The following TEC variants were observed in gnomAD, a reference collection of about 807,000 sequenced individuals.
TEC encodes tec protein tyrosine kinase.
In TEC, 72 loss-of-function variants were observed where a neutral mutation model predicts 93.0. The ratio of observed to expected loss-of-function variants is 0.77; its 90% CI spans 0.64 to 0.94. The LOEUF (loss-of-function observed/expected upper bound fraction) is 0.94, where lower values mean the gene tolerates loss of function less well. TEC is among the 40% of genes least tolerant of loss of function. TEC has a pLI of 0.00. For synonymous variants in TEC, 249 were observed against 247.7 expected, an observed-to-expected ratio of 1.01 and a Z score of -0.05; for missense variants, 630 against 757.9, an observed-to-expected ratio of 0.83 and a Z score of 1.98.
intron 2 of TEC, among the ~76,000 whole-genome samples, chr4:48,220,738 T>C (rs1003475545): frequency 6.6e-6 from 1 of 152,244 alleles, no homozygotes; most frequent in African/African-American, 2.4e-5. Flanking sequence ...ATACCTCTCC[T>C]ATACTCTCTC....
At chr4:48,260,724 A>T (rs1486991790) in intron 1 of TEC, among the ~76,000 whole-genome samples, 1 of 152,244 alleles carries the variant, frequency 6.6e-6, no homozygotes, top group Non-Finnish European at 1.5e-5. Flanking sequence ...ACTAATTACA[A>T]CGTCATAAAG....
In TEC at chr4:48,141,401, C is replaced by G; in HGVS notation, c.1489G>C (p.Val497Leu). The change falls in exon 15 of 18, where the codon GTA becomes CTA. Residue 497 changes from valine (V) to leucine (L), a missense_variant. Val to Leu is a conservative substitution (Grantham distance 32). Coordinates refer to ENST00000381501, the MANE Select transcript of TEC (RefSeq NM_003215.3). ...HRDLAARNCL[V>L]SEAGVVKVSD... ...ACTTTTACAACTCCCGCCTCACTTA[C>G]TAGACAATTTCTGGCAGCCTGGAAA... 6.2e-7 allele frequency: 1 copy of G among 1,613,806 alleles called. No homozygotes were observed. Among genetic ancestry groups the G allele is most frequent in the Non-Finnish European group, 8.5e-7 (1 of 1,179,890 alleles).
intron 1 of TEC, among the ~76,000 whole-genome samples, chr4:48,235,381 T>G (rs990968265): frequency 6.6e-6 from 1 of 152,102 alleles, no homozygotes; most frequent in Non-Finnish European, 1.5e-5. Context: ...ATGAAAAAGT[T>G]TGAAAAAATG....
At chr4:48,227,009 C>T (rs542823516) in intron 2 of TEC, among the ~76,000 whole-genome samples, 8 of 152,260 alleles carry the variant, frequency 5.3e-5, no homozygotes, top group South Asian at 2.1e-4. Context: ...AGGGCAGCTC[C>T]ACATAATTAA....
At chr4:48,170,505 C>T in intron 4 of TEC, 129 bp from the exon 5 acceptor site, 1 of 594,236 alleles carries the variant, frequency 1.7e-6, no homozygotes, top group East Asian at 3.0e-5. Context: ...CCTTAGATCA[C>T]AGGACTCAGC....
intron 2 of TEC, among the ~76,000 whole-genome samples, chr4:48,219,277 G>A (rs1444992263): frequency 6.6e-6 from 1 of 152,198 alleles, no homozygotes; most frequent in Non-Finnish European, 1.5e-5. Context: ...TGGTCAAGCG[G>A]TAACGCCAGT....
At chr4:48,266,943 G>A (rs1203970356) in intron 1 of TEC, among the ~76,000 whole-genome samples, 7 of 152,166 alleles carry the variant, frequency 4.6e-5, no homozygotes, top group Non-Finnish European at 1.0e-4. Flanking sequence ...TGGGAAAATA[G>A]GGAAGCTGTA....
chr4:48,138,594 A>G, intron 17 of TEC, 71 bp downstream of exon 17: 1 of 1,510,292 alleles, frequency 6.6e-7, no homozygotes. Flanking sequence ...GGCTATAAAG[A>G]CTGCATGTTA....
chr4:48,265,172 G>T lies in TEC; in HGVS notation c.-46+4580C>A, dbSNP rs184423253. ...GACACTATAAAACAAAAACCAGAAAGAAATAGACACACAAACCACACACAT... is the reference window on the plus strand; with the variant it reads ...GACACTATAAAACAAAAACCAGAAATAAATAGACACACAAACCACACACAT... On this transcript the variant is annotated intron_variant, in intron 1 of 17. Transcript: ENST00000381501. 9.4e-4 allele frequency among the ~76,000 whole-genome samples: 143 copies of T among 151,886 alleles called. 2 individuals carry two copies. Among genetic ancestry groups the T allele is most frequent in the South Asian group, 4.2e-3 (20 of 4,816 alleles).
intron 1 of TEC, among the ~76,000 whole-genome samples, chr4:48,256,426 A>C (rs1413933728): frequency 1.4e-5 from 2 of 146,668 alleles, no homozygotes; most frequent in East Asian, 4.0e-4. Flanking sequence ...TCTACAAAAA[A>C]TTTAAAAAAA....
chr4:48,144,934 G>C, intron 14 of TEC, 145 bp downstream of exon 14: 1 of 678,754 alleles, frequency 1.5e-6, no homozygotes, highest in Non-Finnish European at 2.6e-6. Context: ...AAATTACAGG[G>C]CAAGTTAAAT....
At chr4:48,180,821 G>A (rs1480138792) in intron 2 of TEC, among the ~76,000 whole-genome samples, 5 of 152,116 alleles carry the variant, frequency 3.3e-5, no homozygotes, top group Admixed American at 6.5e-5. Flanking sequence ...GCAGTACTGC[G>A]GTGTGTTTTT....
rs1481023420 is a variant in TEC, at chr4:48,201,913, G to A, written c.139-25727C>T. 4.6e-5 allele frequency among the ~76,000 whole-genome samples: 7 copies of A among 152,160 alleles called. No homozygotes were observed. In the East Asian group the frequency reaches 1.4e-3, roughly 29 times the overall value. On this transcript the variant is annotated intron_variant, in intron 2 of 17. Coordinates refer to ENST00000381501, the MANE Select transcript of TEC (RefSeq NM_003215.3). ...TCACAAAGGCAGGGAGAGTCACAGG[G>A]GAAGCCCCAGGCTGCCAGATTCCAA...
chr4:48,268,926 C>T (rs536614757), intron 1 of TEC, among the ~76,000 whole-genome samples: 1 of 152,302 alleles, frequency 6.6e-6, no homozygotes, highest in South Asian at 2.1e-4. Context: ...GTACACACCA[C>T]CATGTTACAC....
At chr4:48,186,820 C>A (rs1373005394) in intron 2 of TEC, among the ~76,000 whole-genome samples, 1 of 146,930 alleles carries the variant, frequency 6.8e-6, no homozygotes, top group Admixed American at 6.8e-5. Flanking sequence ...GGTTGGGGGG[C>A]GCCTCCGCCC....
At chr4:48,229,361 T>G (rs1335093824) in intron 1 of TEC, among the ~76,000 whole-genome samples, 1 of 152,240 alleles carries the variant, frequency 6.6e-6, no homozygotes, top group Non-Finnish European at 1.5e-5. Flanking sequence ...ATACCTAGAC[T>G]GAGCCTTTTA....
At chr4:48,228,430 C>A in intron 2 of TEC, 47 bp downstream of exon 2, 1 of 1,498,728 alleles carries the variant, frequency 6.7e-7, no homozygotes. Flanking sequence ...ATTATAAAAT[C>A]GTTATCTACA....
At chr4:48,247,039 C>T (rs534797472) in intron 1 of TEC, among the ~76,000 whole-genome samples, 187 of 152,086 alleles carry the variant, frequency 1.2e-3, no homozygotes, top group African/African-American at 4.1e-3. Context: ...GAACACTTAC[C>T]GTTAAACAAG....
At chr4:48,216,766 C>T (rs532947046) in intron 2 of TEC, among the ~76,000 whole-genome samples, 37 of 152,248 alleles carry the variant, frequency 2.4e-4, no homozygotes, top group African/African-American at 5.3e-4. Context: ...AAATTGCTGA[C>T]GGACAAGTTT....
Sources: allele counts gnomAD v4.1 joint callset (sites outside exome capture counted in the v4.1 genomes callset), GRCh38; gene constraint gnomAD v4.1.1; transcripts MANE v1.5; gene names NCBI Gene and HGNC (gene_info 2026-07-23, HGNC 2026-07-21).